NDRG1: variants seen among roughly 807,000 people sequenced by gnomAD.
The protein encoded by NDRG1 is N-myc downstream regulated 1, also known as protein NDRG1.
NDRG1 carries 32 observed loss-of-function variants against 56.9 expected under a neutral mutation model. That is an observed-to-expected ratio of 0.56 (90% confidence interval 0.42 to 0.76). The LOEUF (loss-of-function observed/expected upper bound fraction) is 0.76, where lower values mean the gene tolerates loss of function less well. Among genes scored for constraint, NDRG1 ranks in the 30% least tolerant of loss-of-function variants. The pLI, the probability that NDRG1 is intolerant of heterozygous loss-of-function variation, is 0.00. For missense variants in NDRG1, 507 were observed against 545.7 expected (o/e 0.93, Z 0.71); for synonymous variants, 211 against 204.1 (o/e 1.03, Z -0.29).
At chr8:133,279,536 G>A (rs931618037) in intron 3 of NDRG1, among the ~76,000 whole-genome samples, 4 of 152,230 alleles carry the variant, frequency 2.6e-5, no homozygotes, top group Admixed American at 6.5e-5. Context: ...GAACACCTCA[G>A]CCACCTCTGG....
At chr8:133,248,477 T>C (rs1855819327) in intron 11 of NDRG1, among the ~76,000 whole-genome samples, 1 of 152,152 alleles carries the variant, frequency 6.6e-6, no homozygotes, top group Non-Finnish European at 1.5e-5. Context: ...CCAAGTACAA[T>C]CAACCATCCT....
At chr8:133,276,353 A>G (rs1857456014) in intron 3 of NDRG1, among the ~76,000 whole-genome samples, 1 of 152,222 alleles carries the variant, frequency 6.6e-6, no homozygotes, top group Non-Finnish European at 1.5e-5. Flanking sequence ...GGGAGCAGAT[A>G]AACTATGCTT....
intron 3 of NDRG1, among the ~76,000 whole-genome samples, chr8:133,272,239 G>A (rs937212958): frequency 4.6e-5 from 7 of 152,212 alleles, no homozygotes; most frequent in East Asian, 3.8e-4. Flanking sequence ...TGGAACCCAC[G>A]CTGAAGACCT....
chr8:133,249,675 T>C (rs1408817144), intron 10 of NDRG1, among the ~76,000 whole-genome samples: 2 of 152,234 alleles, frequency 1.3e-5, no homozygotes, highest in African/African-American at 2.4e-5. Flanking sequence ...TGAACCGCAC[T>C]GCCAGGTTTC....
In NDRG1 at chr8:133,255,555, C is replaced by T. The variant is rs538994321; in HGVS notation, c.538-960G>A. 2.5e-5 allele frequency: 8 copies of T among 324,648 alleles called. No individual in the cohort carries two copies. In the East Asian group the frequency reaches 3.4e-4, roughly 14 times the overall value. The allele number at this position is 324,648 out of a possible 1,614,324, so 20.1% of individuals were successfully genotyped here. On this transcript the variant is annotated intron_variant, in intron 8 of 15. Transcript: ENST00000323851. Reference sequence around the variant, plus strand: ...TCAGGACAGCTATCATGAAGCCCAGCGGGTTGACTGGAATGTCACTTCCTT... The same window carrying T: ...TCAGGACAGCTATCATGAAGCCCAGTGGGTTGACTGGAATGTCACTTCCTT...
intron 1 of NDRG1, among the ~76,000 whole-genome samples, chr8:133,289,079 T>A (rs114145291): frequency 6.3e-4 from 96 of 152,276 alleles, no homozygotes; most frequent in African/African-American, 2.3e-3. Flanking sequence ...TAAAAATGTA[T>A]TATTCATCTT....
At chr8:133,242,309 C>T (rs563986675) in intron 14 of NDRG1, among the ~76,000 whole-genome samples, 1 of 152,334 alleles carries the variant, frequency 6.6e-6, no homozygotes, top group South Asian at 2.1e-4. Context: ...GTTTCCTCAC[C>T]TGTAATACAG....
intron 3 of NDRG1, among the ~76,000 whole-genome samples, chr8:133,266,319 C>T (rs1856917726): frequency 6.6e-6 from 1 of 152,270 alleles, no homozygotes; most frequent in African/African-American, 2.4e-5. Context: ...TGAAGTGGAA[C>T]ACAGAACACT....
intron 15 of NDRG1, 155 bp from the exon 16 acceptor site, chr8:133,239,274 T>C: frequency 1.7e-6 from 2 of 1,195,048 alleles, no homozygotes; most frequent in Non-Finnish European, 2.4e-6. Context: ...GTCCTCTCCA[T>C]GTCCACTCGG....
chr8:133,252,458 C>T (rs907004311), intron 9 of NDRG1, among the ~76,000 whole-genome samples: 1 of 152,200 alleles, frequency 6.6e-6, no homozygotes, highest in African/African-American at 2.4e-5. Context: ...AGGAAACCAA[C>T]ACAACAGGCA....
At chr8:133,287,093 CA>C (rs1858162821) in intron 1 of NDRG1, among the ~76,000 whole-genome samples, 1 of 152,152 alleles carries the variant, frequency 6.6e-6, no homozygotes, top group East Asian at 1.9e-4. Context: ...ATGCCTCAAC[CA>C]AAAAACTTTT....
chr8:133,275,154 T>C (rs1174955878), intron 3 of NDRG1, among the ~76,000 whole-genome samples: 1 of 152,164 alleles, frequency 6.6e-6, no homozygotes, highest in African/African-American at 2.4e-5. Flanking sequence ...CTGCACTGCA[T>C]CTTCTGAAGG....
chr8:133,275,328 T>C (rs1857397068), intron 3 of NDRG1, among the ~76,000 whole-genome samples: 1 of 152,202 alleles, frequency 6.6e-6, no homozygotes. Flanking sequence ...CCTTGAAAAG[T>C]GTCATTCAAC....
chr8:133,273,052 G>A (rs1236524471), intron 3 of NDRG1, among the ~76,000 whole-genome samples: 1 of 152,202 alleles, frequency 6.6e-6, no homozygotes, highest in Admixed American at 6.5e-5. Context: ...CAGCAGAACG[G>A]GAGCCAGACC....
At position 133,250,294 on chromosome 8, in the gene NDRG1, A is replaced by G; in HGVS notation, c.698+146T>C. 8 of 781,536 alleles carry G rather than the reference A, an allele frequency of 1.0e-5. No homozygotes were observed. In the South Asian group the frequency reaches 1.1e-4, roughly 11 times the overall value. 48.4% of individuals were successfully genotyped at this position (781,536 alleles called of 1,614,324 possible). ...TACAGGCCAGGTGTCCTTCCTGGGG[A>G]CACCTGTCCTATTAATCTATTTGCT... On this transcript the variant is annotated intron_variant, in intron 10 of 15. Transcript: ENST00000323851.
At chr8:133,268,741 T>C (rs1857040448) in intron 3 of NDRG1, among the ~76,000 whole-genome samples, 1 of 152,124 alleles carries the variant, frequency 6.6e-6, no homozygotes, top group South Asian at 2.1e-4. Context: ...TGCTCCTTTG[T>C]GCCAGGGTCT....
chr8:133,264,077 AC>A (rs111706787), intron 4 of NDRG1, among the ~76,000 whole-genome samples: 32 of 151,480 alleles, frequency 2.1e-4, no homozygotes, highest in African/African-American at 4.8e-4. Context: ...GAAGCCAGTT[AC>A]CAAAAAAAAA....
At chr8:133,258,759 A>G (rs974293925) in intron 6 of NDRG1, among the ~76,000 whole-genome samples, 4 of 152,240 alleles carry the variant, frequency 2.6e-5, no homozygotes, top group African/African-American at 7.2e-5. Flanking sequence ...AAACAAATTG[A>G]GCAAGAACCA....
chr8:133,293,395 G>A (rs187741050), intron 1 of NDRG1, among the ~76,000 whole-genome samples: 13 of 152,290 alleles, frequency 8.5e-5, no homozygotes, highest in African/African-American at 2.9e-4. Context: ...GCCTCCAAGC[G>A]CAATGTTGGA....
Sources: allele counts gnomAD v4.1 joint callset (sites outside exome capture counted in the v4.1 genomes callset), GRCh38; gene constraint gnomAD v4.1.1; transcripts MANE v1.5; gene names NCBI Gene and HGNC (gene_info 2026-07-23, HGNC 2026-07-21).